KDM4D: variants seen among roughly 807,000 people sequenced by gnomAD.
KDM4D encodes lysine-specific demethylase 4D.
For missense variants in KDM4D, 427 were observed against 674.8 expected, an observed-to-expected ratio of 0.63 and a Z score of 4.07; for synonymous variants, 254 against 249.1, an observed-to-expected ratio of 1.02 and a Z score of -0.19.
intron 2 of KDM4D, among the ~76,000 whole-genome samples, chr11:94,991,802 T>TAA (rs782085338): frequency 7.3e-6 from 1 of 137,566 alleles, no homozygotes. Flanking sequence ...AAGAAAGAAC[T>TAA]AAAAAAAAAA....
chr11:94,998,384 C>T lies in KDM4D; in HGVS notation c.1012C>T (p.Arg338Cys), dbSNP rs782522479. The change falls in exon 3 of 3, where the codon CGT becomes TGT. Residue 338 changes from arginine to cysteine, a missense_variant. By Grantham distance (180) the Arg-to-Cys change is radical. Transcript: ENST00000335080. The surrounding 1 kb of genome is among the most constrained non-coding windows in gnomAD (Gnocchi z 6.7). Reference protein sequence around the residue: ...LQPERYDLWKRGQDRAVVDHM... With the variant: ...LQPERYDLWKCGQDRAVVDHM... ...ACCTGAACGCTATGACCTGTGGAAA[C>T]GTGGGCAAGACCGGGCAGTTGTGGA... The T allele has an allele frequency of 8.1e-6, 13 of 1,614,006 alleles. No individual in the cohort carries two copies. Among genetic ancestry groups the T allele is most frequent in the East Asian group, 4.5e-5 (2 of 44,894 alleles).
In KDM4D at chr11:94,998,073, G is replaced by A. The variant is rs782310978; in HGVS notation, c.701G>A (p.Ser234Asn). The A allele has an allele frequency of 6.2e-7, 1 of 1,614,176 alleles. No individual in the cohort carries two copies. The highest frequency in any genetic ancestry group is 1.1e-5 in the South Asian group (1 of 91,084). Residue 234 changes from serine to asparagine, a missense_variant, in exon 3 of 3, where the codon AGT becomes AAT. Coordinates refer to ENST00000335080, the MANE Select transcript of KDM4D (RefSeq NM_018039.3). This position sits in a 1 kb window ranked among gnomAD's most constrained non-coding sequence, Gnocchi z 6.7. ...CTGGCCAGGGAGCTCTTCCCAGGCA[G>A]TTCCCGGGGTTGTGGGGCCTTCCTG... ...ERLARELFPG[S>N]SRGCGAFLRH...
At position 94,998,624 on chromosome 11, in the gene KDM4D, C is replaced by A; in HGVS notation, c.1252C>A (p.Pro418Thr). The A allele has an allele frequency of 5.6e-6, 9 of 1,614,150 alleles. No individual in the cohort carries two copies. The highest frequency in any genetic ancestry group is 7.6e-6 in the Non-Finnish European group (9 of 1,180,006). The stretch of plus-strand genomic sequence containing the variant: ...TGCAGTTAGTGGCACTGCTACGCAG[C>A]CCCGGGCTGCTGCTGTCCACAGCTC... ...RSAVSGTATQ[P>T]RAAAVHSSKK... is the part of the protein sequence containing the mutation. The change falls in exon 3 of 3, where the codon CCC becomes ACC. Residue 418 changes from proline to threonine, a missense_variant. Physicochemically the swap from Pro to Thr is conservative, Grantham distance 38 (BLOSUM62 -1). Coordinates refer to ENST00000335080, the MANE Select transcript of KDM4D (RefSeq NM_018039.3). This position sits in a 1 kb window ranked among gnomAD's most constrained non-coding sequence, Gnocchi z 6.7.
At chr11:94,984,533 C>A (rs1857868178) in intron 2 of KDM4D, among the ~76,000 whole-genome samples, 1 of 151,286 alleles carries the variant, frequency 6.6e-6, no homozygotes, top group African/African-American at 2.4e-5. Flanking sequence ...AGAAAATGGG[C>A]ATATTTAGCC....
chr11:94,991,080 CTT>C (rs1274385722), intron 2 of KDM4D, among the ~76,000 whole-genome samples: 2 of 152,274 alleles, frequency 1.3e-5, no homozygotes, highest in African/African-American at 4.8e-5. Context: ...TGTGTAGCCT[CTT>C]TTGCCATTTG....
Position 94,979,239 on chromosome 11 carries a change from TA to T in KDM4D, c.-350+3492del, listed in dbSNP as rs374442308. On this transcript the variant is annotated intron_variant, in intron 2 of 2. Transcript: ENST00000335080. ...GCATTTCCTTTTTTATTTATTTATT[TA>T]TTTTTTTGAGACAGAGTCTCACTCT... 1.7e-4 allele frequency among the ~76,000 whole-genome samples: 26 copies of T among 152,218 alleles called. No individual in the cohort carries two copies. In the East Asian group the frequency reaches 4.8e-3, roughly 28 times the overall value.
Position 94,979,519 on chromosome 11 carries a change from C to T in KDM4D, c.-350+3771C>T, listed in dbSNP as rs139448996. ...TGCTGGGATTACAGGTGTGAGCCAGCGCACCTGGCCCAATGTGTGCATTTC... is the reference window on the plus strand; with the variant it reads ...TGCTGGGATTACAGGTGTGAGCCAGTGCACCTGGCCCAATGTGTGCATTTC... On this transcript the variant is annotated intron_variant, in intron 2 of 2. Coordinates refer to ENST00000335080, the MANE Select transcript of KDM4D (RefSeq NM_018039.3). Among the ~76,000 whole-genome samples, 453 of 152,252 alleles carry T rather than the reference C, an allele frequency of 3.0e-3. 2 individuals are homozygous for T. The highest frequency in any genetic ancestry group is 9.7e-3 in the African/African-American group (403 of 41,528).
At chr11:94,994,050 G>C (rs1168342514) in intron 2 of KDM4D, among the ~76,000 whole-genome samples, 2 of 152,136 alleles carry the variant, frequency 1.3e-5, no homozygotes, top group Admixed American at 6.5e-5. Context: ...CTTTAAGTAG[G>C]AGAGGAAGAC....
At chr11:94,982,555 A>G (rs922673063) in intron 2 of KDM4D, among the ~76,000 whole-genome samples, 30 of 151,596 alleles carry the variant, frequency 2.0e-4, no homozygotes, top group African/African-American at 5.8e-4. Flanking sequence ...AAAAAAAAAA[A>G]AAAAGAGACA....
At chr11:94,990,171 T>G (rs1242670697) in intron 2 of KDM4D, among the ~76,000 whole-genome samples, 1 of 152,220 alleles carries the variant, frequency 6.6e-6, no homozygotes, top group Non-Finnish European at 1.5e-5. Context: ...AAGAGACTTA[T>G]TCCCTTAAGG....
At chr11:94,981,080 C>T (rs1251824349) in intron 2 of KDM4D, among the ~76,000 whole-genome samples, 1 of 152,036 alleles carries the variant, frequency 6.6e-6, no homozygotes, top group African/African-American at 2.4e-5. Context: ...TTTTTGCCTA[C>T]TATTTTTAAT....
chr11:94,982,556 AAAAG>A, intron 2 of KDM4D, among the ~76,000 whole-genome samples: 1 of 151,426 alleles, frequency 6.6e-6, no homozygotes, highest in Admixed American at 6.6e-5. Flanking sequence ...AAAAAAAAAA[AAAAG>A]AGACATGACT....
intron 2 of KDM4D, among the ~76,000 whole-genome samples, chr11:94,996,142 G>A (rs782713236): frequency 7.2e-5 from 11 of 151,874 alleles, no homozygotes; most frequent in Non-Finnish European, 1.0e-4. Flanking sequence ...ATTTTCAGTC[G>A]TTCTTTCTTT....
At chr11:94,992,778 T>C (rs782407599) in intron 2 of KDM4D, among the ~76,000 whole-genome samples, 1 of 152,108 alleles carries the variant, frequency 6.6e-6, no homozygotes, top group African/African-American at 2.4e-5. Context: ...CGTGCAAAAG[T>C]AAAAACAAAA....
chr11:94,994,411 G>A (rs1019146926), intron 2 of KDM4D, among the ~76,000 whole-genome samples: 8 of 152,082 alleles, frequency 5.3e-5, no homozygotes, highest in African/African-American at 1.9e-4. Context: ...TAAATAACAT[G>A]TTTAAAGGGA....
chr11:94,979,743 G>A (rs782129180), intron 2 of KDM4D, among the ~76,000 whole-genome samples: 5 of 151,928 alleles, frequency 3.3e-5, no homozygotes, highest in South Asian at 2.1e-4. Context: ...TTATCTTTTC[G>A]TTGTAGTGAT....
At chr11:94,987,750 T>C (rs1228659490) in intron 2 of KDM4D, among the ~76,000 whole-genome samples, 2 of 151,484 alleles carry the variant, frequency 1.3e-5, no homozygotes, top group South Asian at 2.1e-4. Context: ...AAAATTCTTA[T>C]AATACTTAGA....
chr11:94,979,532 A>G (rs782198585), intron 2 of KDM4D, among the ~76,000 whole-genome samples: 2 of 152,140 alleles, frequency 1.3e-5, no homozygotes, highest in Non-Finnish European at 2.9e-5. Context: ...ACCTGGCCCA[A>G]TGTGTGCATT....
At chr11:94,976,738 A>G (rs1555097025) in intron 2 of KDM4D, among the ~76,000 whole-genome samples, 1 of 152,150 alleles carries the variant, frequency 6.6e-6, no homozygotes, top group Non-Finnish European at 1.5e-5. Context: ...AAAACTTTCT[A>G]TTTTTATGGC....
Sources: gnomAD v4.1 joint callset for allele counts (sites outside exome capture counted in the v4.1 genomes callset) on GRCh38, gnomAD v4.1.1 for gene constraint, Gnocchi (gnomAD v3.1) non-coding constraint, MANE v1.5 for transcripts, NCBI Gene and HGNC (gene_info 2026-07-23, HGNC 2026-07-21) for gene names.